CCDC158: variants seen among roughly 807,000 people sequenced by gnomAD.
CCDC158 encodes the protein coiled-coil domain-containing protein 158.
CCDC158 carries 116 observed loss-of-function variants against 138.6 expected under a neutral mutation model. That is an observed-to-expected ratio of 0.84 (90% CI 0.72 to 0.98). CCDC158 has a LOEUF of 0.98. Ranked by LOEUF, CCDC158 falls within the 50% of genes least tolerant of loss-of-function variation. CCDC158 has a pLI of 0.00. For synonymous variants in CCDC158, 436 were observed against 442.4 expected (o/e 0.99, Z 0.18); for missense variants, 1,265 against 1,306.1 (o/e 0.97, Z 0.48).
intron 8 of CCDC158, among the ~76,000 whole-genome samples, chr4:76,380,014 C>G (rs901011621): frequency 8.5e-5 from 13 of 152,114 alleles, no homozygotes; most frequent in East Asian, 3.8e-4. Flanking sequence ...TTTCCTGAGG[C>G]CTCCTAGTCA....
At chr4:76,371,766 C>T (rs951331863) in intron 9 of CCDC158, among the ~76,000 whole-genome samples, 1 of 151,942 alleles carries the variant, frequency 6.6e-6, no homozygotes, top group African/African-American at 2.4e-5. Flanking sequence ...GGCAAAATCC[C>T]GTCTCTACTA....
In CCDC158 at chr4:76,367,592, GCT is replaced by G; in HGVS notation, c.1530_1531del (p.Arg510SerfsTer29). 1.2e-6 allele frequency: 2 copies of G among 1,614,170 alleles called. No individual in the cohort carries two copies. The highest frequency in any genetic ancestry group is 1.7e-6 in the Non-Finnish European group (2 of 1,180,026). ...GATCTCTGCATTGGTAGCCTCGATG[GCT>G]CTCTCTTTTTCCTGGAGAGAAGTTG... On this transcript the variant is annotated frameshift_variant, in exon 12 of 25. Coordinates refer to ENST00000682701, the MANE Select transcript of CCDC158 (RefSeq NM_001394954.1). LOFTEE classifies it high-confidence loss of function.
At chr4:76,336,557 C>T (rs909394749) in intron 18 of CCDC158, among the ~76,000 whole-genome samples, 4 of 152,130 alleles carry the variant, frequency 2.6e-5, no homozygotes, top group African/African-American at 7.2e-5. Flanking sequence ...CACCAAAGAT[C>T]AAGGAAGGCA....
chr4:76,317,953 G>A (rs562195858), intron 24 of CCDC158, among the ~76,000 whole-genome samples: 14 of 152,114 alleles, frequency 9.2e-5, no homozygotes, highest in Admixed American at 5.9e-4. Flanking sequence ...AAAATTCTTC[G>A]AACTGAATGA....
intron 24 of CCDC158, among the ~76,000 whole-genome samples, chr4:76,319,583 A>T (rs1407401053): frequency 6.8e-5 from 10 of 147,320 alleles, no homozygotes; most frequent in African/African-American, 2.5e-4. Context: ...TATCAAAAAG[A>T]TAATACACCA....
At chr4:76,406,118 G>A (rs1728804708) in intron 2 of CCDC158, among the ~76,000 whole-genome samples, 1 of 152,100 alleles carries the variant, frequency 6.6e-6, no homozygotes, top group African/African-American at 2.4e-5. Flanking sequence ...CACACGCAGA[G>A]ATTCAAAAAG....
At chr4:76,408,235 G>A (rs1286138369) in intron 2 of CCDC158, among the ~76,000 whole-genome samples, 1 of 151,214 alleles carries the variant, frequency 6.6e-6, no homozygotes, top group Non-Finnish European at 1.5e-5. Context: ...TGTGCACAAC[G>A]TGCAGGTTTG....
At chr4:76,330,997 T>C (rs971157478) in intron 21 of CCDC158, among the ~76,000 whole-genome samples, 1 of 152,222 alleles carries the variant, frequency 6.6e-6, no homozygotes, top group African/African-American at 2.4e-5. Context: ...TGGCAGTCAT[T>C]ATGCTTGGTG....
intron 12 of CCDC158, among the ~76,000 whole-genome samples, chr4:76,363,888 G>A (rs775528454): frequency 2.6e-5 from 4 of 152,118 alleles, no homozygotes; most frequent in Non-Finnish European, 4.4e-5. Context: ...GGGGTAGGGG[G>A]AGAAGCATGG....
intron 9 of CCDC158, among the ~76,000 whole-genome samples, chr4:76,378,252 TG>T (rs1232197091): frequency 2.6e-5 from 4 of 152,230 alleles, no homozygotes; most frequent in African/African-American, 9.6e-5. Flanking sequence ...GGCAAATGTC[TG>T]GAAGAATTCG....
Position 76,396,404 on chromosome 4 carries a change from A to G in CCDC158, c.153T>C (p.Val51=). Residue 51 remains valine, a synonymous_variant, in exon 4 of 25, where the codon GTT becomes GTC. Coordinates refer to ENST00000682701, the MANE Select transcript of CCDC158 (RefSeq NM_001394954.1). ...NTSSAGTLTQ[V]PFFPKYEVEL... ...CCACTTCATATTTAGGGAAAAAAGGAACCTGTGTCAAAGTCCCAGCTGAAG... is the reference window on the plus strand; with the variant it reads ...CCACTTCATATTTAGGGAAAAAAGGGACCTGTGTCAAAGTCCCAGCTGAAG... The G allele has an allele frequency of 6.2e-7, 1 of 1,614,006 alleles. No individual in the cohort carries two copies. Among genetic ancestry groups the G allele is most frequent in the Non-Finnish European group, 8.5e-7 (1 of 1,179,880 alleles).
At chr4:76,376,829 T>C (rs565003964) in intron 9 of CCDC158, among the ~76,000 whole-genome samples, 12 of 152,380 alleles carry the variant, frequency 7.9e-5, no homozygotes, top group African/African-American at 2.9e-4. Context: ...TGGTGTATTA[T>C]AAATCTCAGT....
At chr4:76,322,713 C>T (rs1160232657) in intron 24 of CCDC158, among the ~76,000 whole-genome samples, 1 of 152,192 alleles carries the variant, frequency 6.6e-6, no homozygotes, top group Admixed American at 6.5e-5. Flanking sequence ...AAGCATGAAT[C>T]ATGAGGGCTC....
At chr4:76,324,791 C>G (rs1349099745) in intron 23 of CCDC158, among the ~76,000 whole-genome samples, 1 of 152,058 alleles carries the variant, frequency 6.6e-6, no homozygotes. Context: ...TAAATTCTAC[C>G]CTTAAGCAAT....
intron 13 of CCDC158, among the ~76,000 whole-genome samples, chr4:76,361,637 T>TA (rs1177619026): frequency 5.3e-5 from 8 of 152,314 alleles, no homozygotes; most frequent in South Asian, 2.1e-4. Flanking sequence ...CTAATACACA[T>TA]ACCAACCATA....
intron 18 of CCDC158, among the ~76,000 whole-genome samples, chr4:76,340,989 G>A (rs1180125287): frequency 1.3e-5 from 2 of 152,140 alleles, no homozygotes; most frequent in East Asian, 3.9e-4. Context: ...TTGTGCTATG[G>A]GAAGAATACA....
At chr4:76,354,730 T>C (rs1578951843) in intron 15 of CCDC158, among the ~76,000 whole-genome samples, 3 of 152,170 alleles carry the variant, frequency 2.0e-5, no homozygotes, top group African/African-American at 7.2e-5. Context: ...AGTTTTACCA[T>C]GTGTTATGAA....
rs1328064370 is a variant in CCDC158 at position 76,323,366 on chromosome 4, C to T, written c.3213G>A (p.Arg1071=). Residue 1071 remains arginine (R), a synonymous_variant, in exon 24 of 25, where the codon AGG becomes AGA. Coordinates refer to ENST00000682701, the MANE Select transcript of CCDC158 (RefSeq NM_001394954.1). Reference sequence around the variant, plus strand: ...AGCTTTCTAGTCTGTTCTGAAGCTTCCTGCATGTTTTTCCTGTTGTTTCTA... The same window carrying T: ...AGCTTTCTAGTCTGTTCTGAAGCTTTCTGCATGTTTTTCCTGTTGTTTCTA... ...PPIETTGKTC[R]KLQNRLESLQ... 1 of 1,612,400 alleles carries T rather than the reference C, an allele frequency of 6.2e-7. No homozygotes were observed. The highest frequency in any genetic ancestry group is 1.1e-5 in the South Asian group (1 of 90,586).
intron 7 of CCDC158, 96 bp from the exon 8 acceptor site, chr4:76,382,816 A>G: frequency 1.2e-6 from 1 of 817,112 alleles, no homozygotes; most frequent in Non-Finnish European, 1.9e-6. Flanking sequence ...TCTCAAATTT[A>G]GTATTTTGCT....
Sources: gnomAD v4.1 joint callset for allele counts (sites outside exome capture counted in the v4.1 genomes callset) on GRCh38, gnomAD v4.1.1 for gene constraint, MANE v1.5 for transcripts, NCBI Gene and HGNC (gene_info 2026-07-23, HGNC 2026-07-21) for gene names.